The following FRMD6 variants were observed in gnomAD, a reference collection of about 807,000 sequenced individuals.
FRMD6 encodes FERM domain-containing protein 6.
In FRMD6, 37 loss-of-function variants were observed where a neutral mutation model predicts 73.2. That is an observed-to-expected ratio of 0.51 (90% confidence interval 0.39 to 0.66). The LOEUF (loss-of-function observed/expected upper bound fraction) is 0.66, where lower values mean the gene tolerates loss of function less well. Ranked by LOEUF, FRMD6 falls within the 30% of genes least tolerant of loss-of-function variation. FRMD6 has a pLI of 0.00. For missense variants in FRMD6, 714 were observed against 780.5 expected (o/e 0.91, Z 1.02); for synonymous variants, 273 against 282.2 (o/e 0.97, Z 0.33).
intron 1 of FRMD6, among the ~76,000 whole-genome samples, chr14:51,562,885 G>C (rs547511574): frequency 6.6e-6 from 1 of 152,324 alleles, no homozygotes; most frequent in Admixed American, 6.5e-5. Context: ...TTCTCTGCTG[G>C]TCAAGAATTC....
At chr14:51,592,230 G>A (rs1009366079) in intron 2 of FRMD6, among the ~76,000 whole-genome samples, 1 of 152,194 alleles carries the variant, frequency 6.6e-6, no homozygotes, top group Non-Finnish European at 1.5e-5. Flanking sequence ...TCCATTGAGA[G>A]TTTTAGACCC....
At chr14:51,694,695 A>G (rs951834306) in intron 2 of FRMD6, among the ~76,000 whole-genome samples, 3 of 152,148 alleles carry the variant, frequency 2.0e-5, no homozygotes, top group South Asian at 2.1e-4. Flanking sequence ...GTCTCAAGGG[A>G]AAAAAAATAG....
In FRMD6 at chr14:51,729,962, A is replaced by C. The variant is rs916898155; in HGVS notation, c.*1933A>C. 3 of 152,646 alleles carry C rather than the reference A, an allele frequency of 2.0e-5. No homozygotes were observed. The highest frequency in any genetic ancestry group is 7.2e-5 in the African/African-American group (3 of 41,458). The allele number at this position is 152,646 out of a possible 1,614,324, so 9.5% of individuals were successfully genotyped here. A position where few individuals can be genotyped will look rare whatever the true frequency, so the allele number is the denominator to read the frequency against. ...TCTCAGTCTCTGCATAAGAGGATTAAAGTATGAAAGGATCATTTAATGACT... is the reference window on the plus strand; with the variant it reads ...TCTCAGTCTCTGCATAAGAGGATTACAGTATGAAAGGATCATTTAATGACT... On this transcript the variant is annotated 3_prime_UTR_variant, in exon 14 of 14. Transcript: ENST00000344768.
the FRMD6 span, among the ~76,000 whole-genome samples, chr14:51,476,257 A>G: frequency 1.3e-5 from 2 of 152,150 alleles, no homozygotes; most frequent in Non-Finnish European, 2.9e-5. Context: ...ACAGGGAGAG[A>G]GATAAGAAGG....
the FRMD6 span, among the ~76,000 whole-genome samples, chr14:51,465,971 A>T: frequency 0.066 from 10,039 of 152,210 alleles, 588 homozygotes; most frequent in Admixed American, 0.19. Flanking sequence ...AATTAATATA[A>T]TCAGTCTTTT....
intron 1 of FRMD6, among the ~76,000 whole-genome samples, chr14:51,546,406 TC>T (rs67780611): frequency 0.23 from 34,003 of 145,004 alleles, 4,353 homozygotes; most frequent in Middle Eastern, 0.32. Context: ...CTTTTTTTTT[TC>T]TTTTTTTAAA....
the FRMD6 span, among the ~76,000 whole-genome samples, chr14:51,412,134 T>C: frequency 1.3e-5 from 2 of 152,206 alleles, no homozygotes; most frequent in East Asian, 1.9e-4. Flanking sequence ...CTACTTAACA[T>C]CTATTGCTTT....
At chr14:51,716,050 C>T (rs1484156565) in intron 10 of FRMD6, among the ~76,000 whole-genome samples, 1 of 152,130 alleles carries the variant, frequency 6.6e-6, no homozygotes, top group African/African-American at 2.4e-5. Context: ...GTCAGCTGGT[C>T]CTGTGGGGCC....
chr14:51,704,151 A>G (rs1896492040), intron 5 of FRMD6, among the ~76,000 whole-genome samples: 1 of 152,154 alleles, frequency 6.6e-6, no homozygotes, highest in African/African-American at 2.4e-5. Context: ...TCCCCAAAAA[A>G]AGATTTAAGG....
At chr14:51,712,442 T>C in intron 8 of FRMD6, 41 bp from the exon 9 acceptor site, 1 of 1,227,000 alleles carries the variant, frequency 8.1e-7, no homozygotes, top group Non-Finnish European at 1.2e-6. Context: ...ACAGTATCTA[T>C]CATTTTTCCC....
chr14:51,634,387 G>C (rs2139995065), intron 2 of FRMD6, among the ~76,000 whole-genome samples: 1 of 152,274 alleles, frequency 6.6e-6, no homozygotes, highest in Admixed American at 6.5e-5. Flanking sequence ...TGCAATACAT[G>C]TCTGCGTGAA....
At chr14:51,548,189 G>A (rs1423084590) in intron 1 of FRMD6, among the ~76,000 whole-genome samples, 1 of 152,138 alleles carries the variant, frequency 6.6e-6, no homozygotes, top group Non-Finnish European at 1.5e-5. Flanking sequence ...GGCACCAAAG[G>A]ACAGGCAGCA....
At chr14:51,699,456 A>G (rs539716082) in intron 3 of FRMD6, among the ~76,000 whole-genome samples, 4 of 152,194 alleles carry the variant, frequency 2.6e-5, no homozygotes, top group Non-Finnish European at 5.9e-5. Context: ...AATAAGTCCA[A>G]TAAAACCAGT....
the FRMD6 span, among the ~76,000 whole-genome samples, chr14:51,402,795 T>C: frequency 6.6e-5 from 10 of 152,058 alleles, 1 homozygote; most frequent in Admixed American, 3.9e-4. Context: ...CCCACCACCA[T>C]GCCCAGCTAA....
chr14:51,513,838 C>T lies in FRMD6; in HGVS notation c.-210+24418C>T, dbSNP rs567610061. ...ATCTCCCCAGCTAAGGCCTATCTCT[C>T]CTCTCCAATCCCAACTGGAGGCAAG... is the stretch of plus-strand genomic sequence containing the variant. On this transcript the variant is annotated intron_variant, in intron 1 of 14. Transcript: ENST00000356218. 1.2e-4 allele frequency among the ~76,000 whole-genome samples: 18 copies of T among 152,314 alleles called. No individual in the cohort carries two copies. In the South Asian group the frequency reaches 3.7e-3, roughly 32 times the overall value.
chr14:51,645,598 A>T (rs1892028228), intron 2 of FRMD6, among the ~76,000 whole-genome samples: 1 of 151,988 alleles, frequency 6.6e-6, no homozygotes, highest in Non-Finnish European at 1.5e-5. Context: ...CACTCCGCCC[A>T]GCTAATTTTT....
At chr14:51,549,672 T>TA (rs1886689958) in intron 1 of FRMD6, among the ~76,000 whole-genome samples, 1 of 128,910 alleles carries the variant, frequency 7.8e-6, no homozygotes. Context: ...CTCAGCTCAC[T>TA]GCAGGCTCCG....
intron 1 of FRMD6, among the ~76,000 whole-genome samples, chr14:51,529,198 T>C (rs1222583287): frequency 6.6e-6 from 1 of 152,260 alleles, no homozygotes. Context: ...GCATATATTA[T>C]GGTGCTAGAC....
At chr14:51,422,485 G>A in the FRMD6 span, among the ~76,000 whole-genome samples, 11 of 151,996 alleles carry the variant, frequency 7.2e-5, no homozygotes, top group African/African-American at 2.7e-4. Context: ...ATTACAAATT[G>A]AATGATTACA....
Sources: gnomAD v4.1 joint callset for allele counts (sites outside exome capture counted in the v4.1 genomes callset) on GRCh38, gnomAD v4.1.1 for gene constraint, MANE v1.5 for transcripts, NCBI Gene and HGNC (gene_info 2026-07-23, HGNC 2026-07-21) for gene names.